Variants in CASZ1 observed in about 807,000 individuals in gnomAD.
The protein encoded by CASZ1 is castor zinc finger 1.
Under a neutral mutation model 135.2 loss-of-function variants are expected in CASZ1, and 28 were observed. The observed-to-expected ratio is 0.21, with a 90% CI of 0.15 to 0.28. The LOEUF (loss-of-function observed/expected upper bound fraction) is 0.28, where lower values mean the gene tolerates loss of function less well. Ranked by LOEUF, CASZ1 falls within the 10% of genes least tolerant of loss-of-function variation. CASZ1 has a pLI of 1.00. For missense variants in CASZ1, 2,161 were observed against 2,453.3 expected (o/e 0.88, Z 2.52); for synonymous variants, 1,068 against 1,073.4 (o/e 0.99, Z 0.10).
At position 10,726,306 on chromosome 1, in the gene CASZ1, G is replaced by A. The variant is rs917095873; in HGVS notation, c.-76-20762C>T. Among the ~76,000 whole-genome samples the A allele has an allele frequency of 2.0e-5, 3 of 152,186 alleles. No individual in the cohort carries two copies. On this transcript the variant is annotated intron_variant, in intron 2 of 20. Transcript: ENST00000377022. The surrounding 1 kb of genome is among the most constrained non-coding windows in gnomAD (Gnocchi z 5.7). ...GGAGGAGGAAATGAGGCTTGGGGAG[G>A]TGAAACCGGGTCTCCCCAGCTTGGG...
rs765951033 is a variant in CASZ1, at chr1:10,649,232, C to G, written c.3036-40G>C. On this transcript the variant is annotated intron_variant, in intron 14 of 20. Coordinates refer to ENST00000377022, the MANE Select transcript of CASZ1 (RefSeq NM_001079843.3). ...TGGCGTTAGAGGAGAGCCTGGGGCT[C>G]CAGGGCGGGTGCGGGGGGACGATGG... The G allele has an allele frequency of 3.1e-6, 5 of 1,609,698 alleles. 1 individual carries two copies. The highest frequency in any genetic ancestry group is 2.7e-5 in the African/African-American group (2 of 74,996).
chr1:10,668,214 G>T (rs986748201), intron 4 of CASZ1, among the ~76,000 whole-genome samples: 10 of 152,102 alleles, frequency 6.6e-5, no homozygotes, highest in African/African-American at 2.4e-4. Flanking sequence ...GCCGCCTTCC[G>T]GCCCAGGGCC....
rs1045616970 is a variant in CASZ1, at chr1:10,757,153, T to C, written c.-77+3548A>G. Among the ~76,000 whole-genome samples, 13 of 152,266 alleles carry C rather than the reference T, an allele frequency of 8.5e-5. No homozygotes were observed. The highest frequency in any genetic ancestry group is 2.9e-4 in the African/African-American group (12 of 41,546). On this transcript the variant is annotated intron_variant, in intron 2 of 20. Coordinates refer to ENST00000377022, the MANE Select transcript of CASZ1 (RefSeq NM_001079843.3). The surrounding 1 kb of genome is among the most constrained non-coding windows in gnomAD (Gnocchi z 4.6). ...CTCAGCACCCAGCATGGTTCCAAGATGGCACTTCTCCCCTAATGCATGAGA... is the reference window on the plus strand; with the variant it reads ...CTCAGCACCCAGCATGGTTCCAAGACGGCACTTCTCCCCTAATGCATGAGA...
chr1:10,787,199 G>T (rs920972461), intron 1 of CASZ1, among the ~76,000 whole-genome samples: 2 of 152,218 alleles, frequency 1.3e-5, no homozygotes, highest in African/African-American at 4.8e-5. Flanking sequence ...GACTACCTAA[G>T]GCCACACAGT....
rs528300581 is a variant in CASZ1 at position 10,649,802 on chromosome 1, A to G, written c.2881-365T>C. On this transcript the variant is annotated intron_variant, in intron 13 of 20. Transcript: ENST00000377022. ...CAGAAGGTTTTCAAAAGAAGCGCAGAAGGAGGAGGGATGGGGGAACCCCTA... is the reference window on the plus strand; with the variant it reads ...CAGAAGGTTTTCAAAAGAAGCGCAGGAGGAGGAGGGATGGGGGAACCCCTA... The G allele has an allele frequency of 2.3e-5, 4 of 171,046 alleles. No homozygotes were observed. The East Asian group carries it at 6.1e-4, about 26-fold the overall frequency. 10.6% of individuals were successfully genotyped at this position (171,046 alleles called of 1,614,324 possible).
intron 4 of CASZ1, among the ~76,000 whole-genome samples, chr1:10,678,561 G>C (rs540629308): frequency 6.6e-6 from 1 of 152,122 alleles, no homozygotes; most frequent in South Asian, 2.1e-4. Context: ...TCCCCCACCC[G>C]TTCACGCACA....
rs1370088992 is a variant in CASZ1 at position 10,699,101 on chromosome 1, G to C, written c.-23-5189C>G. 2.6e-5 allele frequency among the ~76,000 whole-genome samples: 4 copies of C among 152,226 alleles called. No homozygotes were observed. Among genetic ancestry groups the C allele is most frequent in the African/African-American group, 9.6e-5 (4 of 41,458 alleles). Reference sequence around the variant, plus strand: ...TGGCTCCATGGCCCAGAGGCTGCTTGCTCCAGGGCGTTCTCAGGGGCCCAT... The same window carrying C: ...TGGCTCCATGGCCCAGAGGCTGCTTCCTCCAGGGCGTTCTCAGGGGCCCAT... On this transcript the variant is annotated intron_variant, in intron 3 of 20. Coordinates refer to ENST00000377022, the MANE Select transcript of CASZ1 (RefSeq NM_001079843.3). The surrounding 1 kb of genome is among the most constrained non-coding windows in gnomAD (Gnocchi z 4.6).
chr1:10,696,243 C>T (rs1295657580), intron 3 of CASZ1, among the ~76,000 whole-genome samples: 1 of 152,184 alleles, frequency 6.6e-6, no homozygotes, highest in Admixed American at 6.5e-5. Context: ...CTGCCCTTCC[C>T]ACTGCCTTCC....
intron 2 of CASZ1, among the ~76,000 whole-genome samples, chr1:10,728,104 G>A (rs993923315): frequency 1.3e-5 from 2 of 152,228 alleles, no homozygotes; most frequent in Non-Finnish European, 2.9e-5. Flanking sequence ...GGGCCTTCCA[G>A]TGTCCCCTTG....
chr1:10,795,455 A>G (rs1236116009), intron 1 of CASZ1, among the ~76,000 whole-genome samples: 1 of 152,062 alleles, frequency 6.6e-6, no homozygotes, highest in Non-Finnish European at 1.5e-5. Context: ...CCCTGGGGGA[A>G]CAGACCCCGA....
intron 2 of CASZ1, among the ~76,000 whole-genome samples, chr1:10,758,409 G>A (rs978529019): frequency 4.7e-5 from 7 of 147,470 alleles, no homozygotes. Flanking sequence ...TTGGCTCACT[G>A]CAACCTCCGC....
rs78100955 is a variant in CASZ1, at chr1:10,711,323, T to G, written c.-76-5779A>C. The stretch of plus-strand genomic sequence containing the variant: ...CAAAGGAAGTTCATTCAGTATTTCT[T>G]GGGCACCTACTACATGCTATTAGAT... On this transcript the variant is annotated intron_variant, in intron 2 of 20. Transcript: ENST00000377022. The surrounding 1 kb of genome is among the most constrained non-coding windows in gnomAD (Gnocchi z 4.4). 7.8e-3 allele frequency among the ~76,000 whole-genome samples: 1,181 copies of G among 152,286 alleles called. 54 individuals are homozygous for G. The East Asian group carries it at 0.12, about 16-fold the overall frequency.
In CASZ1 at chr1:10,647,382, C is replaced by T. The variant is rs1642392742; in HGVS notation, c.3497+419G>A. ...GTGACGGCCTGGAGGGGCCTGGCCC[C>T]TACCCGTGACTTCACGTGCCCTGCA... On this transcript the variant is annotated intron_variant, in intron 16 of 20. Coordinates refer to ENST00000377022, the MANE Select transcript of CASZ1 (RefSeq NM_001079843.3). This position sits in a 1 kb window ranked among gnomAD's most constrained non-coding sequence, Gnocchi z 4.9. 1.9e-6 allele frequency: 2 copies of T among 1,072,346 alleles called. No individual in the cohort carries two copies. Among genetic ancestry groups the T allele is most frequent in the Non-Finnish European group, 2.3e-6 (2 of 883,102 alleles). The allele number at this position is 1,072,346 out of a possible 1,614,324, so 66.4% of individuals were successfully genotyped here. A position where few individuals can be genotyped will look rare whatever the true frequency, so the allele number is the denominator to read the frequency against.
rs1344454951 is a variant in CASZ1 at position 10,700,862 on chromosome 1, A to G, written c.-24+4630T>C. On this transcript the variant is annotated intron_variant, in intron 3 of 20. Coordinates refer to ENST00000377022, the MANE Select transcript of CASZ1 (RefSeq NM_001079843.3). The surrounding 1 kb of genome is among the most constrained non-coding windows in gnomAD (Gnocchi z 4.2). Reference sequence around the variant, plus strand: ...GTACAACCTTGTGAATATCCTAAAAACCACTGAATTGTACATTTTAAAAAG... The same window carrying G: ...GTACAACCTTGTGAATATCCTAAAAGCCACTGAATTGTACATTTTAAAAAG... Among the ~76,000 whole-genome samples, 1 of 152,246 alleles carries G rather than the reference A, an allele frequency of 6.6e-6. No homozygotes were observed.
intron 7 of CASZ1, 74 bp downstream of exon 7, chr1:10,658,434 A>G: frequency 7.8e-7 from 1 of 1,275,598 alleles, no homozygotes. Flanking sequence ...ATATCAAACG[A>G]ATGGCCTCAG....
At chr1:10,730,367 G>T (rs913612825) in intron 2 of CASZ1, among the ~76,000 whole-genome samples, 1 of 152,138 alleles carries the variant, frequency 6.6e-6, no homozygotes, top group African/African-American at 2.4e-5. Flanking sequence ...TGATGAAGCT[G>T]CAAATATGAT....
intron 4 of CASZ1, 38 bp from the exon 5 acceptor site, chr1:10,665,609 G>A (rs2100293697): frequency 6.7e-7 from 1 of 1,499,678 alleles, no homozygotes; most frequent in Non-Finnish European, 8.9e-7. Context: ...TCAGAGGCGT[G>A]CAAGGCCAAG....
chr1:10,783,953 G>A (rs1640809894), intron 1 of CASZ1, among the ~76,000 whole-genome samples: 1 of 148,920 alleles, frequency 6.7e-6, no homozygotes, highest in Non-Finnish European at 1.5e-5. Context: ...TGCTCACCCT[G>A]TGCTCTCTAC....
chr1:10,740,634 C>T (rs1179472576), intron 2 of CASZ1, among the ~76,000 whole-genome samples: 1 of 152,042 alleles, frequency 6.6e-6, no homozygotes, highest in East Asian at 1.9e-4. Context: ...CTGCAAATTG[C>T]GGGTAGGAAG....
Sources: allele counts gnomAD v4.1 joint callset (sites outside exome capture counted in the v4.1 genomes callset), GRCh38; gene constraint gnomAD v4.1.1; non-coding constraint Gnocchi (gnomAD v3.1); transcripts MANE v1.5; gene names NCBI Gene and HGNC (gene_info 2026-07-23, HGNC 2026-07-21).